Variants in ARFIP1 observed in about 807,000 individuals in gnomAD.
ARFIP1 encodes the protein ARF interacting protein 1.
A neutral mutation model predicts 42.5 loss-of-function variants in ARFIP1; 24 were observed. The ratio of observed to expected loss-of-function variants is 0.57; its 90% CI spans 0.41 to 0.80. The LOEUF is 0.80. ARFIP1 is among the 30% of genes least tolerant of loss of function. ARFIP1 has a pLI of 0.00. For missense variants in ARFIP1, 354 were observed against 434.0 expected, an observed-to-expected ratio of 0.82 and a Z score of 1.64; for synonymous variants, 141 against 153.7, an observed-to-expected ratio of 0.92 and a Z score of 0.61.
intron 1 of ARFIP1, among the ~76,000 whole-genome samples, chr4:152,811,167 T>C (rs1335691018): frequency 1.3e-5 from 2 of 151,108 alleles, no homozygotes; most frequent in African/African-American, 2.4e-5. Flanking sequence ...CTGGAGACAT[T>C]GTTCTTTATT....
At chr4:152,905,027 T>C (rs1050600803) in intron 8 of ARFIP1, among the ~76,000 whole-genome samples, 4 of 152,240 alleles carry the variant, frequency 2.6e-5, no homozygotes, top group African/African-American at 9.6e-5. Context: ...TATAAAAGTG[T>C]TCCTATTTCT....
intron 1 of ARFIP1, among the ~76,000 whole-genome samples, chr4:152,826,368 G>C (rs1730838573): frequency 6.6e-6 from 1 of 152,088 alleles, no homozygotes; most frequent in Admixed American, 6.6e-5. Flanking sequence ...AACAACTCAG[G>C]AATCAAAAAA....
chr4:152,877,012 A>G (rs1240811701), intron 5 of ARFIP1, among the ~76,000 whole-genome samples: 1 of 152,136 alleles, frequency 6.6e-6, no homozygotes, highest in Non-Finnish European at 1.5e-5. Context: ...GAAGTTTGCT[A>G]CAGGGGTGGG....
At chr4:152,851,811 A>G (rs182480196) in intron 2 of ARFIP1, among the ~76,000 whole-genome samples, 5 of 152,350 alleles carry the variant, frequency 3.3e-5, no homozygotes, top group African/African-American at 1.2e-4. Flanking sequence ...TTTACACTAC[A>G]GTTCAAAAGT....
chr4:152,818,260 G>A (rs1052897107), intron 1 of ARFIP1, among the ~76,000 whole-genome samples: 5 of 152,296 alleles, frequency 3.3e-5, no homozygotes, highest in Non-Finnish European at 4.4e-5. Flanking sequence ...CCATGAACCC[G>A]ACAGAAAATG....
intron 1 of ARFIP1, among the ~76,000 whole-genome samples, chr4:152,799,929 G>A (rs556736290): frequency 1.3e-5 from 2 of 152,300 alleles, no homozygotes; most frequent in East Asian, 3.9e-4. Context: ...GTTAAGTCTG[G>A]ATGACGGTGA....
chr4:152,871,687 C>T (rs1008877015), intron 4 of ARFIP1, among the ~76,000 whole-genome samples: 1 of 151,822 alleles, frequency 6.6e-6, no homozygotes, highest in Non-Finnish European at 1.5e-5. Flanking sequence ...CATCCAAAAA[C>T]TGAAATGAAA....
At chr4:152,853,835 C>CA (rs1733193165) in intron 2 of ARFIP1, among the ~76,000 whole-genome samples, 1 of 151,104 alleles carries the variant, frequency 6.6e-6, no homozygotes, top group Non-Finnish European at 1.5e-5. Context: ...ATACTTTCCT[C>CA]ATTCTTTTTT....
chr4:152,854,266 A>AT (rs1365455073), intron 2 of ARFIP1, among the ~76,000 whole-genome samples: 3 of 152,030 alleles, frequency 2.0e-5, no homozygotes, highest in Admixed American at 2.0e-4. Flanking sequence ...AAGTTTTTGA[A>AT]TGTATTTTGT....
chr4:152,834,092 C>G (rs1209882262), intron 2 of ARFIP1, among the ~76,000 whole-genome samples: 1 of 152,030 alleles, frequency 6.6e-6, no homozygotes, highest in Non-Finnish European at 1.5e-5. Flanking sequence ...AGGTGGAGGT[C>G]CCAGACTCTT....
At chr4:152,788,185 T>C (rs1730923140) in intron 1 of ARFIP1, among the ~76,000 whole-genome samples, 1 of 152,216 alleles carries the variant, frequency 6.6e-6, no homozygotes, top group Non-Finnish European at 1.5e-5. Context: ...TGAGCCGAGA[T>C]CGTGCCTCTG....
chr4:152,866,919 C>G (rs1454727537), intron 3 of ARFIP1, among the ~76,000 whole-genome samples: 1 of 151,652 alleles, frequency 6.6e-6, no homozygotes, highest in African/African-American at 2.4e-5. Flanking sequence ...CAGAGACGCT[C>G]CTCACTTCCT....
At chr4:152,798,987 G>T (rs985046719) in intron 1 of ARFIP1, among the ~76,000 whole-genome samples, 1 of 152,192 alleles carries the variant, frequency 6.6e-6, no homozygotes, top group Non-Finnish European at 1.5e-5. Flanking sequence ...CTGAGTTCTG[G>T]TCTGGAACTT....
intron 5 of ARFIP1, among the ~76,000 whole-genome samples, chr4:152,877,376 A>C (rs1009943465): frequency 2.6e-5 from 4 of 152,052 alleles, no homozygotes; most frequent in African/African-American, 4.8e-5. Flanking sequence ...TGGATTTTGG[A>C]CTACATGGGC....
chr4:152,848,688 T>A (rs745536295), intron 2 of ARFIP1, among the ~76,000 whole-genome samples: 1 of 152,180 alleles, frequency 6.6e-6, no homozygotes, highest in Non-Finnish European at 1.5e-5. Context: ...TCCCAAGAGA[T>A]TGGAATCACT....
intron 1 of ARFIP1, among the ~76,000 whole-genome samples, chr4:152,785,627 A>C (rs540343413): frequency 3.4e-4 from 51 of 152,232 alleles, no homozygotes; most frequent in Non-Finnish European, 6.0e-4. Context: ...TCTTGAAATA[A>C]AGATTCAAGT....
chr4:152,838,805 T>G (rs1731851242), intron 2 of ARFIP1, among the ~76,000 whole-genome samples: 1 of 152,178 alleles, frequency 6.6e-6, no homozygotes, highest in Non-Finnish European at 1.5e-5. Context: ...GGCTAGGACT[T>G]CCAGTACTAT....
At chr4:152,855,591 G>A (rs994076605) in intron 2 of ARFIP1, among the ~76,000 whole-genome samples, 3 of 152,220 alleles carry the variant, frequency 2.0e-5, no homozygotes, top group Admixed American at 1.3e-4. Flanking sequence ...TGCTTCTCTT[G>A]TTTTTCAGGA....
At chr4:152,835,156 G>T (rs1561131108) in intron 2 of ARFIP1, among the ~76,000 whole-genome samples, 1 of 152,192 alleles carries the variant, frequency 6.6e-6, no homozygotes, top group Non-Finnish European at 1.5e-5. Context: ...CTAGCAAGTG[G>T]CTGCTCCACA....
Sources: allele counts gnomAD v4.1 joint callset (sites outside exome capture counted in the v4.1 genomes callset), GRCh38; gene constraint gnomAD v4.1.1; transcripts MANE v1.5; gene names NCBI Gene and HGNC (gene_info 2026-07-23, HGNC 2026-07-21).